Variants in HDGFL3 observed in about 807,000 individuals in gnomAD.
HDGFL3 encodes the protein HDGF like 3, also known as hepatoma-derived growth factor-related protein 3.
In HDGFL3, 6 loss-of-function variants were observed where a neutral mutation model predicts 27.6. That is an observed-to-expected ratio of 0.22 (90% CI 0.12 to 0.43). The LOEUF (loss-of-function observed/expected upper bound fraction) is 0.43, where lower values mean the gene tolerates loss of function less well. HDGFL3 is among the 20% of genes least tolerant of loss of function. The pLI, the probability that HDGFL3 is intolerant of heterozygous loss-of-function variation, is 1.00. For synonymous variants in HDGFL3, 88 were observed against 88.9 expected, an observed-to-expected ratio of 0.99 and a Z score of 0.05; for missense variants, 207 against 250.1, an observed-to-expected ratio of 0.83 and a Z score of 1.16.
intron 1 of HDGFL3, among the ~76,000 whole-genome samples, chr15:83,190,305 A>T (rs2151419761): frequency 6.6e-6 from 1 of 151,800 alleles, no homozygotes; most frequent in African/African-American, 2.4e-5. Context: ...TGTTATATGT[A>T]TTTCTCTAGA....
Position 83,207,579 on chromosome 15 carries a change from G to A in HDGFL3, c.-165C>T. On this transcript the variant is annotated 5_prime_UTR_variant, in exon 1 of 6. Transcript: ENST00000299633. This position sits in a 1 kb window ranked among gnomAD's most constrained non-coding sequence, Gnocchi z 4.8. The stretch of plus-strand genomic sequence containing the variant: ...CGGCGAGGCGGCGGCTGAGGCAAGG[G>A]GTGGGCGGGGGGCGCAGCAGGCCCG... The A allele has an allele frequency of 2.5e-6, 1 of 395,182 alleles. No individual in the cohort carries two copies. The highest frequency in any genetic ancestry group is 4.2e-5 in the East Asian group (1 of 23,752). The allele number at this position is 395,182 out of a possible 1,614,324, so 24.5% of individuals were successfully genotyped here.
chr15:83,153,431 G>C (rs1039730502), intron 4 of HDGFL3, among the ~76,000 whole-genome samples: 5 of 152,078 alleles, frequency 3.3e-5, no homozygotes, highest in Admixed American at 2.6e-4. Flanking sequence ...GCATGTATTT[G>C]GGATATACAG....
chr15:83,143,561 G>A (rs961233255), intron 5 of HDGFL3, among the ~76,000 whole-genome samples: 15 of 152,140 alleles, frequency 9.9e-5, no homozygotes, highest in African/African-American at 3.4e-4. Context: ...CAGCCTGGGC[G>A]ACAGAGCGAA....
chr15:83,164,128 G>C, intron 1 of HDGFL3, 53 bp from the exon 2 acceptor site: 27 of 1,077,316 alleles, frequency 2.5e-5, no homozygotes, highest in Non-Finnish European at 3.7e-5. Flanking sequence ...AATACAATGT[G>C]AGCATTGTTC....
intron 3 of HDGFL3, among the ~76,000 whole-genome samples, chr15:83,121,722 G>A (rs2035264093): frequency 6.6e-6 from 1 of 152,194 alleles, no homozygotes; most frequent in Non-Finnish European, 1.5e-5. Flanking sequence ...AGGACACGAA[G>A]AAGGTTCTAT....
chr15:83,159,979 A>C (rs1238742687), intron 2 of HDGFL3, among the ~76,000 whole-genome samples: 2 of 152,226 alleles, frequency 1.3e-5, no homozygotes, highest in African/African-American at 4.8e-5. Context: ...TACTGAAAAC[A>C]GACTGAAGAC....
Position 83,137,375 on chromosome 15 carries a change from T to C in HDGFL3, c.*1895A>G, listed in dbSNP as rs1490865511. 5 of 152,172 alleles carry C rather than the reference T, an allele frequency of 3.3e-5. No homozygotes were observed. The highest frequency in any genetic ancestry group is 2.1e-4 in the South Asian group (1 of 4,834). The allele number at this position is 152,172 out of a possible 1,614,324, so 9.4% of individuals were successfully genotyped here. A position where few individuals can be genotyped will look rare whatever the true frequency, so the allele number is the denominator to read the frequency against. On this transcript the variant is annotated 3_prime_UTR_variant, in exon 6 of 6. Transcript: ENST00000299633. The stretch of plus-strand genomic sequence containing the variant: ...TGGCCTCTTATAAAGACAAATCTTA[T>C]TAAATTTGAAACATTTCATATATAC...
intron 2 of HDGFL3, among the ~76,000 whole-genome samples, chr15:83,159,729 C>T (rs531011017): frequency 5.3e-5 from 8 of 152,240 alleles, no homozygotes; most frequent in Admixed American, 1.3e-4. Context: ...AGAGCAAGTA[C>T]AAGGTCCCTC....
At chr15:83,145,871 T>C (rs111313714) in intron 5 of HDGFL3, among the ~76,000 whole-genome samples, 11 of 150,544 alleles carry the variant, frequency 7.3e-5, no homozygotes, top group African/African-American at 2.7e-4. Context: ...CTTTTTTTTT[T>C]TTCTCTCTCT....
chr15:83,127,480 AC>A, downstream of HDGFL3: 1 of 1,613,108 alleles, frequency 6.2e-7, no homozygotes, highest in African/African-American at 1.3e-5. Flanking sequence ...TGGCTCAGGT[AC>A]TAAGAATATT....
chr15:83,202,410 T>C (rs2037658706), intron 1 of HDGFL3, among the ~76,000 whole-genome samples: 1 of 152,060 alleles, frequency 6.6e-6, no homozygotes, highest in Non-Finnish European at 1.5e-5. Flanking sequence ...AGAAAGACAC[T>C]GATGCAGGTA....
rs2036343835 is a variant in HDGFL3, at chr15:83,132,800, T to C, written c.*6470A>G. On this transcript the variant is annotated 3_prime_UTR_variant, in exon 6 of 6. Transcript: ENST00000299633. ...AGTTGGGATACTAATGCAAATCTTG[T>C]TTTCTTCATTTGCTTCTGGTGTGAT... The C allele has an allele frequency of 1.3e-5, 2 of 152,222 alleles. No individual in the cohort carries two copies. The highest frequency in any genetic ancestry group is 4.8e-5 in the African/African-American group (2 of 41,454). The allele number at this position is 152,222 out of a possible 1,614,324, so 9.4% of individuals were successfully genotyped here.
chr15:83,112,813 G>A lies in HDGFL3; in HGVS notation c.*2896C>T, dbSNP rs750080118. 2.5e-6 allele frequency: 4 copies of A among 1,613,900 alleles called. No homozygotes were observed. The African/African-American group carries it at 5.3e-5, about 22-fold the overall frequency. On this transcript the variant is annotated 3_prime_UTR_variant, in exon 4 of 4. Transcript: ENST00000568294. The stretch of plus-strand genomic sequence containing the variant: ...TCGTTGCAGTTCCTGGACTATTGTA[G>A]GGGTTGCTGCCCTCATCCTGTTCCT...
chr15:83,162,026 G>A (rs1027064261), intron 2 of HDGFL3, among the ~76,000 whole-genome samples: 9 of 152,238 alleles, frequency 5.9e-5, no homozygotes, highest in African/African-American at 1.9e-4. Context: ...AATTCTGGTC[G>A]TGCCTAGGGT....
At chr15:83,122,853 C>T, downstream of HDGFL3, 1 of 1,613,986 alleles carries the variant, frequency 6.2e-7, no homozygotes, top group South Asian at 1.1e-5. Flanking sequence ...AATCAGCCAT[C>T]AGAAAATTAT....
chr15:83,157,357 A>G (rs895626263), intron 4 of HDGFL3, 58 bp downstream of exon 4: 2 of 1,492,522 alleles, frequency 1.3e-6, no homozygotes, highest in Non-Finnish European at 1.9e-6. Context: ...AAAATAATCT[A>G]AAAATGTTTA....
intron 1 of HDGFL3, among the ~76,000 whole-genome samples, chr15:83,178,124 T>C (rs942788939): frequency 5.3e-5 from 8 of 152,210 alleles, no homozygotes; most frequent in African/African-American, 1.9e-4. Flanking sequence ...CTATAATAAC[T>C]GCAAATAACA....
At position 83,132,562 on chromosome 15, in the gene HDGFL3, A is replaced by AT. The variant is rs145775679; in HGVS notation, c.*6707dup. The AT allele has an allele frequency of 1.4e-3, 196 of 138,218 alleles. 1 individual carries two copies. Among genetic ancestry groups the AT allele is most frequent in the Non-Finnish European group, 2.2e-3 (142 of 63,604 alleles). 8.6% of individuals were successfully genotyped at this position (138,218 alleles called of 1,614,324 possible). ...AAGAGTTTACTGAAGTAAATTTATC[A>AT]TTTTTTTTTTAACTTGAGACAGGGT... On this transcript the variant is annotated 3_prime_UTR_variant, in exon 6 of 6. Transcript: ENST00000299633.
chr15:83,188,604 G>A (rs542048730), intron 1 of HDGFL3, among the ~76,000 whole-genome samples: 14 of 152,238 alleles, frequency 9.2e-5, no homozygotes, highest in African/African-American at 3.4e-4. Context: ...TATTCATTAT[G>A]TAATGTATCC....
Sources: allele counts gnomAD v4.1 joint callset (sites outside exome capture counted in the v4.1 genomes callset), GRCh38; gene constraint gnomAD v4.1.1; non-coding constraint Gnocchi (gnomAD v3.1); transcripts MANE v1.5; gene names NCBI Gene and HGNC (gene_info 2026-07-23, HGNC 2026-07-21).